ATP6V1H: variants seen among roughly 807,000 people sequenced by gnomAD.
The protein encoded by ATP6V1H is V-type proton ATPase subunit H.
Under a neutral mutation model 71.7 loss-of-function variants are expected in ATP6V1H, and 39 were observed. The ratio of observed to expected loss-of-function variants is 0.54; its 90% CI spans 0.42 to 0.71. The LOEUF (loss-of-function observed/expected upper bound fraction) is 0.71. Ranked by LOEUF, ATP6V1H falls within the 30% of genes least tolerant of loss-of-function variation. The pLI is 0.00. For synonymous variants in ATP6V1H, 192 were observed against 199.3 expected (o/e 0.96, Z 0.31); for missense variants, 509 against 594.9 (o/e 0.86, Z 1.50).
chr8:53,749,452 G>A (rs1329673740), intron 12 of ATP6V1H, among the ~76,000 whole-genome samples: 1 of 152,104 alleles, frequency 6.6e-6, no homozygotes, highest in Non-Finnish European at 1.5e-5. Context: ...CTCGGCCCTT[G>A]ACCCCACAGC....
At chr8:53,746,619 C>A (rs1332839058) in intron 12 of ATP6V1H, among the ~76,000 whole-genome samples, 1 of 152,140 alleles carries the variant, frequency 6.6e-6, no homozygotes, top group Non-Finnish European at 1.5e-5. Context: ...CTCTCCACCC[C>A]AGAGCCCAGT....
intron 8 of ATP6V1H, among the ~76,000 whole-genome samples, chr8:53,798,598 T>C (rs189479377): frequency 0.01 from 1,272 of 126,968 alleles, 7 homozygotes; most frequent in Admixed American, 0.017. Context: ...TATTCCTATT[T>C]GCAATGTGAG....
chr8:53,812,133 T>C lies in ATP6V1H; in HGVS notation c.526-916A>G, dbSNP rs148410519. ...GAATTTTAATCATGATAGAAGGCTATGAAGAAGTGCCTGCCCACAGCAAGA... is the reference window on the plus strand; with the variant it reads ...GAATTTTAATCATGATAGAAGGCTACGAAGAAGTGCCTGCCCACAGCAAGA... On this transcript the variant is annotated intron_variant, in intron 6 of 13. Coordinates refer to ENST00000359530, the MANE Select transcript of ATP6V1H (RefSeq NM_015941.4). Among the ~76,000 whole-genome samples, 389 of 152,116 alleles carry C rather than the reference T, an allele frequency of 2.6e-3. 5 individuals are homozygous for C. The highest frequency in any genetic ancestry group is 9.0e-3 in the African/African-American group (375 of 41,486).
At chr8:53,785,222 AG>A in intron 9 of ATP6V1H, among the ~76,000 whole-genome samples, 1 of 152,216 alleles carries the variant, frequency 6.6e-6, no homozygotes, top group Middle Eastern at 3.4e-3. Flanking sequence ...TATTTCTTGG[AG>A]GCTTTGTTCA....
intron 12 of ATP6V1H, chr8:53,756,245 C>CTTTTTTTTTTT (rs201116200): frequency 7.7e-6 from 1 of 130,302 alleles, no homozygotes; most frequent in Non-Finnish European, 1.6e-5. Flanking sequence ...TAATTTTTTT[C>CTTTTTTTTTTT]TTTTTTTTTT....
In ATP6V1H at chr8:53,732,658, C is replaced by CAA. The variant is rs576194964; in HGVS notation, c.1391+10917_1391+10918dup. ...TCCAGCCCTGTTTAACAGCTTATTG[C>CAA]AAAAAAAAAAAAAGAAAAAAAAAAG... is the stretch of plus-strand genomic sequence containing the variant. On this transcript the variant is annotated intron_variant, in intron 13 of 13. Coordinates refer to ENST00000359530, the MANE Select transcript of ATP6V1H (RefSeq NM_015941.4). 6.4e-3 allele frequency among the ~76,000 whole-genome samples: 598 copies of CAA among 93,904 alleles called. 4 individuals are homozygous for CAA. The highest frequency in any genetic ancestry group is 0.02 in the African/African-American group (531 of 26,222). The allele number at this position is 93,904 out of a possible 152,430, so 61.6% of individuals were successfully genotyped here. A position where few individuals can be genotyped will look rare whatever the true frequency, so the allele number is the denominator to read the frequency against.
chr8:53,840,215 G>C (rs1020387863), intron 2 of ATP6V1H, among the ~76,000 whole-genome samples: 2 of 152,076 alleles, frequency 1.3e-5, no homozygotes, highest in African/African-American at 4.8e-5. Flanking sequence ...TACTGAATTA[G>C]AGCCGGGCAC....
chr8:53,801,577 T>C (rs1435737157), intron 8 of ATP6V1H, among the ~76,000 whole-genome samples: 1 of 152,178 alleles, frequency 6.6e-6, no homozygotes, highest in African/African-American at 2.4e-5. Context: ...TTGTTAAGCA[T>C]TAGGTTCTTA....
intron 12 of ATP6V1H, among the ~76,000 whole-genome samples, chr8:53,745,719 C>G (rs1408484713): frequency 2.0e-5 from 3 of 151,614 alleles, no homozygotes; most frequent in Non-Finnish European, 4.4e-5. Context: ...ACACAAAAAC[C>G]CCACAAAAAT....
chr8:53,775,489 C>T (rs1413110830), intron 9 of ATP6V1H, among the ~76,000 whole-genome samples: 1 of 152,200 alleles, frequency 6.6e-6, no homozygotes, highest in Non-Finnish European at 1.5e-5. Context: ...TTTACAATCC[C>T]TGAGCTACAT....
At chr8:53,770,296 A>C (rs1358500241) in intron 10 of ATP6V1H, among the ~76,000 whole-genome samples, 1 of 152,174 alleles carries the variant, frequency 6.6e-6, no homozygotes, top group African/African-American at 2.4e-5. Flanking sequence ...ACTAAATACA[A>C]AAGCCTCTGT....
At chr8:53,742,170 C>CA (rs1585735623) in intron 13 of ATP6V1H, among the ~76,000 whole-genome samples, 1 of 152,198 alleles carries the variant, frequency 6.6e-6, no homozygotes, top group African/African-American at 2.4e-5. Flanking sequence ...TCCTTCATGT[C>CA]AGAGTTTGCC....
intron 13 of ATP6V1H, among the ~76,000 whole-genome samples, chr8:53,736,267 T>C (rs191887656): frequency 7.2e-5 from 11 of 152,316 alleles, no homozygotes; most frequent in South Asian, 2.1e-4. Context: ...CTTTAAATCA[T>C]TCTTTAAGCA....
chr8:53,786,638 A>T (rs1345134426), intron 9 of ATP6V1H, among the ~76,000 whole-genome samples: 1 of 152,206 alleles, frequency 6.6e-6, no homozygotes, highest in Non-Finnish European at 1.5e-5. Flanking sequence ...TGTAGACTGG[A>T]GCTGTTACTA....
At chr8:53,778,858 A>G (rs1200084862) in intron 9 of ATP6V1H, among the ~76,000 whole-genome samples, 1 of 152,230 alleles carries the variant, frequency 6.6e-6, no homozygotes, top group East Asian at 1.9e-4. Flanking sequence ...GGTAAGTTGA[A>G]ACTAAGAAGG....
intron 4 of ATP6V1H, among the ~76,000 whole-genome samples, chr8:53,820,897 C>T (rs1173867575): frequency 2.0e-5 from 3 of 149,066 alleles, no homozygotes; most frequent in African/African-American, 7.4e-5. Context: ...AGGAGGATTG[C>T]TTGAGCCCAG....
At chr8:53,825,218 A>T (rs146345030) in intron 4 of ATP6V1H, among the ~76,000 whole-genome samples, 130 of 152,218 alleles carry the variant, frequency 8.5e-4, no homozygotes, top group African/African-American at 2.8e-3. Flanking sequence ...AGTTTTTTAA[A>T]TAGAGACAGG....
At chr8:53,752,791 C>G (rs775345210) in intron 12 of ATP6V1H, among the ~76,000 whole-genome samples, 5 of 152,154 alleles carry the variant, frequency 3.3e-5, no homozygotes, top group Non-Finnish European at 7.3e-5. Context: ...ACCTCGTGAT[C>G]TGCCCCCCTC....
chr8:53,755,719 TATATATATATATATATATA>T, intron 12 of ATP6V1H, among the ~76,000 whole-genome samples: 5 of 7,834 alleles, frequency 6.4e-4, no homozygotes, highest in African/African-American at 1.9e-3. Context: ...TATATATATA[TATATATATATATATATATA>T]TATATATTTT....
Sources: gnomAD v4.1 joint callset for allele counts (sites outside exome capture counted in the v4.1 genomes callset) on GRCh38, gnomAD v4.1.1 for gene constraint, MANE v1.5 for transcripts, NCBI Gene and HGNC (gene_info 2026-07-23, HGNC 2026-07-21) for gene names.